NEMP2: variants seen among roughly 807,000 people sequenced by gnomAD.
NEMP2 encodes the protein nuclear envelope integral membrane protein 2.
Under a neutral mutation model 54.2 loss-of-function variants are expected in NEMP2, and 53 were observed. The observed-to-expected ratio is 0.98, with a 90% CI of 0.78 to 1.23. NEMP2 has a LOEUF of 1.23. NEMP2 is among the 50% of genes most tolerant of loss of function. The probability of loss-of-function intolerance (pLI) is 0.00; values close to 1 mark genes in which losing one functional copy is unlikely to be tolerated. For synonymous variants in NEMP2, 197 were observed against 190.3 expected, an observed-to-expected ratio of 1.04 and a Z score of -0.29; for missense variants, 455 against 511.3, an observed-to-expected ratio of 0.89 and a Z score of 1.06.
chr2:190,567,141 A>C, the NEMP2 span, among the ~76,000 whole-genome samples: 2 of 152,214 alleles, frequency 1.3e-5, no homozygotes, highest in Non-Finnish European at 2.9e-5. This position sits in a 1 kb window ranked among gnomAD's most constrained non-coding sequence, Gnocchi z 4.0. Context: ...CGATGATAAA[A>C]GAACAATTAG....
chr2:190,432,647 C>G, the NEMP2 span, among the ~76,000 whole-genome samples: 1 of 152,140 alleles, frequency 6.6e-6, no homozygotes, highest in Non-Finnish European at 1.5e-5. Flanking sequence ...GAACTCCTGA[C>G]CTCAAATGAT....
the NEMP2 span, among the ~76,000 whole-genome samples, chr2:190,597,471 G>GA: frequency 2.6e-5 from 4 of 151,716 alleles, no homozygotes; most frequent in Non-Finnish European, 4.4e-5. This position sits in a 1 kb window ranked among gnomAD's most constrained non-coding sequence, Gnocchi z 4.7. Context: ...AACTTTCTTG[G>GA]AAAAAAAATG....
chr2:190,549,898 G>T, the NEMP2 span, among the ~76,000 whole-genome samples: 4 of 152,148 alleles, frequency 2.6e-5, no homozygotes, highest in Non-Finnish European at 5.9e-5. Flanking sequence ...TTAATGCTTG[G>T]TTCTACCTGG....
At chr2:190,635,186 C>G in the NEMP2 span, among the ~76,000 whole-genome samples, 1 of 152,128 alleles carries the variant, frequency 6.6e-6, no homozygotes, top group Non-Finnish European at 1.5e-5. This position sits in a 1 kb window ranked among gnomAD's most constrained non-coding sequence, Gnocchi z 4.1. Flanking sequence ...AAGTTTTTAA[C>G]CTAGATAGAA....
chr2:190,640,676 G>A, the NEMP2 span, among the ~76,000 whole-genome samples: 3 of 151,948 alleles, frequency 2.0e-5, no homozygotes, highest in African/African-American at 7.3e-5. Context: ...TCTCATTGTA[G>A]GATATATGCA....
At chr2:190,609,559 C>T in the NEMP2 span, 444 of 152,204 alleles carry the variant, frequency 2.9e-3, 2 homozygotes, top group African/African-American at 9.9e-3. This position sits in a 1 kb window ranked among gnomAD's most constrained non-coding sequence, Gnocchi z 4.7. Context: ...TTGGTGGGCT[C>T]TTTGTTACAT....
chr2:190,444,650 G>C, the NEMP2 span, among the ~76,000 whole-genome samples: 14 of 152,120 alleles, frequency 9.2e-5, no homozygotes, highest in Non-Finnish European at 1.8e-4. Flanking sequence ...CCATGGCAAA[G>C]CACTAAAGAA....
At chr2:190,564,882 A>G in the NEMP2 span, among the ~76,000 whole-genome samples, 1 of 152,214 alleles carries the variant, frequency 6.6e-6, no homozygotes, top group African/African-American at 2.4e-5. The surrounding 1 kb of genome is among the most constrained non-coding windows in gnomAD (Gnocchi z 4.2). Context: ...TGGAAAGAGA[A>G]TGGAGGAAGG....
the NEMP2 span, among the ~76,000 whole-genome samples, chr2:190,599,783 A>G: frequency 6.6e-5 from 10 of 152,156 alleles, no homozygotes; most frequent in Admixed American, 5.9e-4. Context: ...CAGGGATGAC[A>G]AAGATGGCAC....
chr2:190,525,294 A>G lies in NEMP2; in HGVS notation c.182T>C (p.Val61Ala). ...DCYCYNQNSQ[V>A]EWKYIWSTMQ... Reference sequence around the variant, plus strand: ...AGTTGACCATATGTATTTCCACTCCACTTGGGAATTTTGATTGTAGCAGTA... The same window carrying G: ...AGTTGACCATATGTATTTCCACTCCGCTTGGGAATTTTGATTGTAGCAGTA... Residue 61 changes from valine (V) to alanine (A), a missense_variant, in exon 2 of 9, where the codon GTG becomes GCG. Transcript: ENST00000409150. This position sits in a 1 kb window ranked among gnomAD's most constrained non-coding sequence, Gnocchi z 5.0. 1 of 1,550,360 alleles carries G rather than the reference A, an allele frequency of 6.5e-7. No homozygotes were observed. The highest frequency in any genetic ancestry group is 1.7e-4 in the Middle Eastern group (1 of 5,968).
At chr2:190,438,341 C>G in the NEMP2 span, among the ~76,000 whole-genome samples, 25 of 152,128 alleles carry the variant, frequency 1.6e-4, no homozygotes, top group Non-Finnish European at 3.7e-4. The surrounding 1 kb of genome is among the most constrained non-coding windows in gnomAD (Gnocchi z 5.2). Flanking sequence ...CATGGTGAAA[C>G]CCCATCTCTA....
At position 190,525,256 on chromosome 2, in the gene NEMP2, C is replaced by T; in HGVS notation, c.213+7G>A. On this transcript the variant is annotated splice_region_variant and intron_variant, in intron 2 of 8. Transcript: ENST00000409150. The surrounding 1 kb of genome is among the most constrained non-coding windows in gnomAD (Gnocchi z 5.0). Reference sequence around the variant, plus strand: ...CCCTAAGACATGAGTTAAAAGTAGGCCCTTACCTGCATAGTTGACCATATG... The same window carrying T: ...CCCTAAGACATGAGTTAAAAGTAGGTCCTTACCTGCATAGTTGACCATATG... 1.4e-6 allele frequency: 2 copies of T among 1,470,066 alleles called. No homozygotes were observed. Among genetic ancestry groups the T allele is most frequent in the Non-Finnish European group, 1.9e-6 (2 of 1,073,472 alleles). The allele number at this position is 1,470,066 out of a possible 1,614,324, so 91.1% of individuals were successfully genotyped here.
At chr2:190,541,938 G>A in the NEMP2 span, among the ~76,000 whole-genome samples, 1 of 150,382 alleles carries the variant, frequency 6.6e-6, no homozygotes, top group Admixed American at 6.6e-5. This position sits in a 1 kb window ranked among gnomAD's most constrained non-coding sequence, Gnocchi z 5.2. Context: ...TATGGTTTTT[G>A]TTGAGAAGTC....
At chr2:190,616,755 C>T in the NEMP2 span, 2 of 152,034 alleles carry the variant, frequency 1.3e-5, no homozygotes, top group African/African-American at 4.8e-5. This position sits in a 1 kb window ranked among gnomAD's most constrained non-coding sequence, Gnocchi z 5.1. Context: ...CTTTAATAGT[C>T]TTCTTGCTAT....
the NEMP2 span, among the ~76,000 whole-genome samples, chr2:190,476,004 G>C: frequency 1.3e-5 from 2 of 152,176 alleles, no homozygotes; most frequent in Non-Finnish European, 2.9e-5. Flanking sequence ...AAACTGGCTA[G>C]CCATATATAG....
the NEMP2 span, among the ~76,000 whole-genome samples, chr2:190,477,779 G>A: frequency 2.6e-5 from 4 of 152,304 alleles, no homozygotes. Flanking sequence ...AAATGTGCTA[G>A]GTAGCAGATA....
chr2:190,450,368 AATTCC>A, the NEMP2 span, among the ~76,000 whole-genome samples: 1 of 152,098 alleles, frequency 6.6e-6, no homozygotes, highest in Non-Finnish European at 1.5e-5. Flanking sequence ...AAGAAGTAAC[AATTCC>A]ATTCTTATTT....
At chr2:190,561,150 G>A in the NEMP2 span, among the ~76,000 whole-genome samples, 8 of 152,206 alleles carry the variant, frequency 5.3e-5, no homozygotes, top group South Asian at 4.2e-4. This position sits in a 1 kb window ranked among gnomAD's most constrained non-coding sequence, Gnocchi z 5.4. Context: ...CATCAGGACC[G>A]CTCATTCTCT....
At chr2:190,542,183 A>G in the NEMP2 span, among the ~76,000 whole-genome samples, 1 of 152,166 alleles carries the variant, frequency 6.6e-6, no homozygotes, top group African/African-American at 2.4e-5. This position sits in a 1 kb window ranked among gnomAD's most constrained non-coding sequence, Gnocchi z 4.6. Flanking sequence ...GCTCTTGCCC[A>G]ACTCCCTCTT....
Sources: allele counts gnomAD v4.1 joint callset (sites outside exome capture counted in the v4.1 genomes callset), GRCh38; gene constraint gnomAD v4.1.1; non-coding constraint Gnocchi (gnomAD v3.1); transcripts MANE v1.5; gene names NCBI Gene and HGNC (gene_info 2026-07-23, HGNC 2026-07-21).